NEGR1: variants seen among roughly 807,000 people sequenced by gnomAD.
NEGR1 encodes IgLON family member 4.
NEGR1 carries 10 observed loss-of-function variants against 40.9 expected under a neutral mutation model. That is an observed-to-expected ratio of 0.24 (90% CI 0.15 to 0.42). The LOEUF is 0.42. NEGR1 is among the 10% of genes least tolerant of loss of function. NEGR1 has a pLI of 1.00. For missense variants in NEGR1, 352 were observed against 438.9 expected (o/e 0.80, Z 1.77); for synonymous variants, 185 against 166.8 (o/e 1.11, Z -0.84).
intron 6 of NEGR1, among the ~76,000 whole-genome samples, chr1:71,423,920 C>T (rs1646413414): frequency 6.6e-6 from 1 of 150,524 alleles, no homozygotes; most frequent in African/African-American, 2.4e-5. Flanking sequence ...CTGTGAGCCG[C>T]AAATTTCTAT....
chr1:71,804,038 T>C (rs1440290517), intron 2 of NEGR1, among the ~76,000 whole-genome samples: 2 of 152,074 alleles, frequency 1.3e-5, no homozygotes, highest in African/African-American at 4.8e-5. Context: ...TTAAATATTT[T>C]TATTAAATAT....
At chr1:72,280,607 G>C (rs1337679980) in intron 1 of NEGR1, among the ~76,000 whole-genome samples, 1 of 151,892 alleles carries the variant, frequency 6.6e-6, no homozygotes, top group Non-Finnish European at 1.5e-5. Flanking sequence ...TTTTTTTACT[G>C]TGTAATATCA....
At chr1:72,279,456 G>A (rs998713236) in intron 1 of NEGR1, among the ~76,000 whole-genome samples, 5 of 151,036 alleles carry the variant, frequency 3.3e-5, no homozygotes, top group African/African-American at 1.2e-4. Context: ...TAAAGACACT[G>A]TGAGGAATAT....
intron 1 of NEGR1, among the ~76,000 whole-genome samples, chr1:72,143,883 C>CATAT (rs200866676): frequency 8.1e-4 from 102 of 126,114 alleles, no homozygotes; most frequent in Admixed American, 1.6e-3. Flanking sequence ...ATCATATATT[C>CATAT]ATATATATAT....
intron 1 of NEGR1, among the ~76,000 whole-genome samples, chr1:72,214,411 G>T (rs561100791): frequency 1.5e-4 from 23 of 152,268 alleles, no homozygotes; most frequent in African/African-American, 5.5e-4. Context: ...AATAGGAAGA[G>T]AGGAAGTCAA....
At chr1:72,187,355 G>A (rs17524209) in intron 1 of NEGR1, among the ~76,000 whole-genome samples, 31,231 of 151,040 alleles carry the variant, frequency 0.21, 3,744 homozygotes, top group South Asian at 0.28. Context: ...AACAACATAG[G>A]AAATATCCTA....
intron 1 of NEGR1, among the ~76,000 whole-genome samples, chr1:72,244,641 T>C (rs1478051878): frequency 6.6e-6 from 1 of 152,020 alleles, no homozygotes; most frequent in African/African-American, 2.4e-5. Flanking sequence ...CAGTGAATAC[T>C]ACACCATTGT....
At chr1:72,154,278 C>A (rs2422137) in intron 1 of NEGR1, among the ~76,000 whole-genome samples, 55,714 of 151,544 alleles carry the variant, frequency 0.37, 11,881 homozygotes, top group Middle Eastern at 0.51. Context: ...TGTATTTCAA[C>A]CGAATTCACT....
At chr1:71,883,821 T>C (rs1660650515) in intron 2 of NEGR1, among the ~76,000 whole-genome samples, 1 of 149,758 alleles carries the variant, frequency 6.7e-6, no homozygotes, top group South Asian at 2.1e-4. Flanking sequence ...TGAGAACATG[T>C]GGTGTTTGGT....
chr1:71,994,773 G>C (rs1646488774), intron 1 of NEGR1, among the ~76,000 whole-genome samples: 1 of 152,008 alleles, frequency 6.6e-6, no homozygotes, highest in Non-Finnish European at 1.5e-5. Context: ...CAGTGTTCGA[G>C]ACCTAGAACC....
intron 4 of NEGR1, among the ~76,000 whole-genome samples, chr1:71,655,313 A>C (rs770047786): frequency 2.0e-5 from 3 of 152,224 alleles, no homozygotes; most frequent in Non-Finnish European, 4.4e-5. Flanking sequence ...ATTTTAGAGA[A>C]GTGATCAAAC....
At chr1:71,852,876 AG>A (rs1659650383) in intron 2 of NEGR1, among the ~76,000 whole-genome samples, 1 of 151,984 alleles carries the variant, frequency 6.6e-6, no homozygotes, top group South Asian at 2.1e-4. Context: ...ATGGACAAAG[AG>A]GAAAAAAAAG....
At chr1:72,204,797 G>T (rs1653336652) in intron 1 of NEGR1, among the ~76,000 whole-genome samples, 4 of 151,980 alleles carry the variant, frequency 2.6e-5, no homozygotes. Context: ...TTCCAAATGA[G>T]AATAAAATGT....
At chr1:71,776,753 T>C (rs772240593) in intron 2 of NEGR1, among the ~76,000 whole-genome samples, 1 of 152,090 alleles carries the variant, frequency 6.6e-6, no homozygotes, top group African/African-American at 2.4e-5. Flanking sequence ...GACATGTACA[T>C]GATTGGGAGG....
intron 3 of NEGR1, among the ~76,000 whole-genome samples, chr1:71,755,141 T>A (rs931538618): frequency 6.6e-6 from 1 of 152,210 alleles, no homozygotes; most frequent in South Asian, 2.1e-4. Flanking sequence ...TCCTCTATTC[T>A]ACCCCATCTC....
chr1:71,915,132 T>C (rs1010494101), intron 2 of NEGR1, among the ~76,000 whole-genome samples: 12 of 152,082 alleles, frequency 7.9e-5, no homozygotes, highest in African/African-American at 2.9e-4. Flanking sequence ...GGCTAGGAGA[T>C]GACTGGACTA....
chr1:71,752,787 C>T (rs1655613841), intron 3 of NEGR1, among the ~76,000 whole-genome samples: 1 of 151,916 alleles, frequency 6.6e-6, no homozygotes, highest in Non-Finnish European at 1.5e-5. Context: ...ATTATTCAGT[C>T]TTTATTACTA....
intron 2 of NEGR1, among the ~76,000 whole-genome samples, chr1:71,792,528 G>T (rs1657155537): frequency 6.6e-6 from 1 of 151,982 alleles, no homozygotes; most frequent in South Asian, 2.1e-4. Context: ...CCAGAGATAG[G>T]ATGACCACCT....
chr1:71,783,843 C>G (rs1163669519), intron 2 of NEGR1, among the ~76,000 whole-genome samples: 2 of 121,298 alleles, frequency 1.6e-5, no homozygotes, highest in African/African-American at 5.0e-5. Flanking sequence ...TCCACCCGTC[C>G]ATCCATCCAT....
Sources: gnomAD v4.1 joint callset for allele counts (sites outside exome capture counted in the v4.1 genomes callset) on GRCh38, gnomAD v4.1.1 for gene constraint, MANE v1.5 for transcripts, NCBI Gene and HGNC (gene_info 2026-07-23, HGNC 2026-07-21) for gene names.